OLFM1: variants seen among roughly 807,000 people sequenced by gnomAD.
OLFM1 encodes the protein olfactomedin 1, also known as noelin.
OLFM1 carries 9 observed loss-of-function variants against 49.7 expected under a neutral mutation model. That is an observed-to-expected ratio of 0.18 (90% CI 0.11 to 0.32). The LOEUF is 0.32. Among genes scored for constraint, OLFM1 ranks in the 10% least tolerant of loss-of-function variants. The pLI is 1.00. For missense variants in OLFM1, 369 were observed against 661.8 expected (o/e 0.56, Z 4.85); for synonymous variants, 240 against 271.8 (o/e 0.88, Z 1.15).
At chr9:135,104,532 T>C (rs993117512) in intron 4 of OLFM1, among the ~76,000 whole-genome samples, 1 of 151,738 alleles carries the variant, frequency 6.6e-6, no homozygotes, top group African/African-American at 2.4e-5. Flanking sequence ...CCGTGTGCGC[T>C]GCTGGATGGA....
intron 1 of OLFM1, among the ~76,000 whole-genome samples, chr9:135,089,277 G>T (rs1356732498): frequency 6.6e-6 from 1 of 152,150 alleles, no homozygotes; most frequent in Non-Finnish European, 1.5e-5. Flanking sequence ...GATTCTACCC[G>T]CCCAACTTCT....
In OLFM1 at chr9:135,088,012, T is replaced by C; in HGVS notation, c.23T>C (p.Ile8Thr). MSVPLLKIGVVLSTMAMI... is the reference protein window; with the variant it reads MSVPLLKTGVVLSTMAMI... ...GCGATGTCGGTGCCGCTGCTCAAGA[T>C]CGGGGTCGTGCTGAGCACCATGGCC... The change falls in exon 1 of 6, where the codon ATC becomes ACC. Residue 8 changes from isoleucine to threonine, a missense_variant. By Grantham distance (89) the Ile-to-Thr change is moderately conservative. Around this residue, in one of 3 missense-constraint regions of OLFM1, gnomAD observed 20 missense variants for 41.0 expected, o/e 0.49. Transcript: ENST00000371793. The surrounding 1 kb of genome is among the most constrained non-coding windows in gnomAD (Gnocchi z 4.8). The C allele has an allele frequency of 2.1e-6, 3 of 1,456,230 alleles. No homozygotes were observed. Among genetic ancestry groups the C allele is most frequent in the Non-Finnish European group, 2.7e-6 (3 of 1,095,574 alleles). 90.2% of individuals were successfully genotyped at this position (1,456,230 alleles called of 1,614,324 possible).
intron 5 of OLFM1, among the ~76,000 whole-genome samples, chr9:135,116,821 C>A (rs1052127641): frequency 5.1e-4 from 76 of 150,440 alleles, no homozygotes; most frequent in African/African-American, 1.7e-3. Flanking sequence ...TGACCCACAT[C>A]ATTGAGGTTT....
At chr9:135,101,949 C>CT (rs941845881) in intron 4 of OLFM1, among the ~76,000 whole-genome samples, 22 of 152,210 alleles carry the variant, frequency 1.4e-4, no homozygotes, top group East Asian at 7.7e-4. Flanking sequence ...TCCTTAGTTT[C>CT]TTTTTTTTCC....
chr9:135,100,648 C>T (rs1182147850), intron 4 of OLFM1, among the ~76,000 whole-genome samples: 1 of 152,194 alleles, frequency 6.6e-6, no homozygotes, highest in African/African-American at 2.4e-5. Flanking sequence ...TTAGAGGAGG[C>T]AGTTTTGTAA....
At chr9:135,078,031 G>A (rs1225574394) in intron 1 of OLFM1, among the ~76,000 whole-genome samples, 1 of 152,196 alleles carries the variant, frequency 6.6e-6, no homozygotes, top group East Asian at 1.9e-4. Flanking sequence ...CTGGGGTCGG[G>A]AATGGGTGTG....
chr9:135,076,215 C>A (rs1489541330), intron 1 of OLFM1: 1 of 1,550,646 alleles, frequency 6.4e-7, no homozygotes, highest in South Asian at 1.2e-5. Flanking sequence ...CCCCAACACA[C>A]ACCCCTGAGT....
chr9:135,100,045 C>A (rs768555857), intron 4 of OLFM1, among the ~76,000 whole-genome samples: 2 of 152,206 alleles, frequency 1.3e-5, no homozygotes, highest in Admixed American at 6.5e-5. Context: ...CAAACACTCC[C>A]ACTTATGGGG....
In OLFM1 at chr9:135,088,001, G is replaced by T. The variant is rs749755514; in HGVS notation, c.12G>T (p.Pro4=). The T allele has an allele frequency of 2.1e-6, 3 of 1,451,240 alleles. No homozygotes were observed. The highest frequency in any genetic ancestry group is 2.9e-5 in the African/African-American group (2 of 67,816). 89.9% of individuals were successfully genotyped at this position (1,451,240 alleles called of 1,614,324 possible). The change falls in exon 1 of 6, where the codon CCG becomes CCT. Residue 4 remains proline (P), a synonymous_variant. Coordinates refer to ENST00000371793, the MANE Select transcript of OLFM1 (RefSeq NM_001282611.2). This position sits in a 1 kb window ranked among gnomAD's most constrained non-coding sequence, Gnocchi z 4.8. MSV[P]LLKIGVVLST... ...CAGCTCGAGGCGCGATGTCGGTGCC[G>T]CTGCTCAAGATCGGGGTCGTGCTGA...
intron 1 of OLFM1, among the ~76,000 whole-genome samples, chr9:135,081,389 A>G (rs1461021892): frequency 6.6e-6 from 1 of 152,192 alleles, no homozygotes; most frequent in Non-Finnish European, 1.5e-5. Context: ...CACAGAGCCC[A>G]TCAGCTGTGC....
intron 4 of OLFM1, 22 bp from the exon 5 acceptor site, chr9:135,106,727 T>C (rs1161484655): frequency 6.2e-7 from 1 of 1,607,866 alleles, no homozygotes; most frequent in South Asian, 1.1e-5. Flanking sequence ...CTCCCTCTCC[T>C]GACCTGCGTG....
chr9:135,075,904 C>T, intron 1 of OLFM1: 1 of 1,413,814 alleles, frequency 7.1e-7, no homozygotes, highest in Non-Finnish European at 9.3e-7. Flanking sequence ...CGCCGCCCCG[C>T]GCCCCCGGCC....
chr9:135,096,687 G>T (rs1259707074), intron 3 of OLFM1, among the ~76,000 whole-genome samples: 1 of 152,248 alleles, frequency 6.6e-6, no homozygotes, highest in East Asian at 1.9e-4. Context: ...TGCAGCTGCT[G>T]CAGGTAAATC....
At chr9:135,091,793 ACACAGT>A (rs1830712330) in intron 2 of OLFM1, among the ~76,000 whole-genome samples, 1 of 150,664 alleles carries the variant, frequency 6.6e-6, no homozygotes, top group African/African-American at 2.5e-5. Context: ...ACACATAGTC[ACACAGT>A]CACACACACT....
chr9:135,112,190 G>T (rs1831032428), intron 5 of OLFM1, among the ~76,000 whole-genome samples: 1 of 150,778 alleles, frequency 6.6e-6, no homozygotes, highest in Non-Finnish European at 1.5e-5. Flanking sequence ...GTCAGGGAGG[G>T]ACATGCACTG....
intron 4 of OLFM1, among the ~76,000 whole-genome samples, chr9:135,100,619 A>G (rs1321285676): frequency 1.3e-5 from 2 of 152,220 alleles, no homozygotes; most frequent in East Asian, 3.9e-4. Context: ...CTTGACACAC[A>G]GCAAACTGAG....
At position 135,091,845 on chromosome 9, in the gene OLFM1, TCA is replaced by T. The variant is rs1245917967; in HGVS notation, c.300+1506_300+1507del. 1.5e-4 allele frequency among the ~76,000 whole-genome samples: 10 copies of T among 65,284 alleles called. No individual in the cohort carries two copies. In the East Asian group the frequency reaches 1.9e-3, roughly 12 times the overall value. 42.8% of individuals were successfully genotyped at this position (65,284 alleles called of 152,430 possible). ...CACACACTCACAGTCACACACACAC[TCA>T]CACATAGTCACACACACTCACACAC... is the stretch of plus-strand genomic sequence containing the variant. On this transcript the variant is annotated intron_variant, in intron 2 of 5. Transcript: ENST00000371793.
rs555000059 is a variant in OLFM1, at chr9:135,105,631, C to T, written c.677-1118C>T. 2.8e-3 allele frequency: 421 copies of T among 152,450 alleles called. 3 individuals carry two copies. The highest frequency in any genetic ancestry group is 3.9e-3 in the Non-Finnish European group (269 of 68,130). 9.4% of individuals were successfully genotyped at this position (152,450 alleles called of 1,614,324 possible). On this transcript the variant is annotated intron_variant, in intron 4 of 5. Coordinates refer to ENST00000371793, the MANE Select transcript of OLFM1 (RefSeq NM_001282611.2). ...TATCCTGGCTGAGCCGAGGTCCGGG[C>T]GCACTCACCCGCAGTCTTCCCCCAC...
At chr9:135,091,994 G>A (rs1399277278) in intron 2 of OLFM1, among the ~76,000 whole-genome samples, 4 of 152,128 alleles carry the variant, frequency 2.6e-5, no homozygotes, top group Admixed American at 6.5e-5. Context: ...TGGAATGGGC[G>A]TCAGCTCAGG....
Sources: gnomAD v4.1 joint callset for allele counts (sites outside exome capture counted in the v4.1 genomes callset) on GRCh38, gnomAD v4.1.1 for gene constraint, gnomAD v4.1.1 regional missense constraint, Gnocchi (gnomAD v3.1) non-coding constraint, MANE v1.5 for transcripts, NCBI Gene and HGNC (gene_info 2026-07-23, HGNC 2026-07-21) for gene names.